The following TNFRSF21 variants were observed in gnomAD, a reference collection of about 807,000 sequenced individuals.
TNFRSF21 encodes TNF receptor superfamily member 21.
In TNFRSF21, 19 loss-of-function variants were observed where a neutral mutation model predicts 45.6. That is an observed-to-expected ratio of 0.42 (90% CI 0.29 to 0.61). The LOEUF (loss-of-function observed/expected upper bound fraction) is 0.61. Among genes scored for constraint, TNFRSF21 ranks in the 20% least tolerant of loss-of-function variants. The pLI is 0.23. For missense variants in TNFRSF21, 737 were observed against 851.5 expected (o/e 0.87, Z 1.67); for synonymous variants, 314 against 335.5 (o/e 0.94, Z 0.70).
At chr6:47,309,341 G>A (rs912259388) in intron 1 of TNFRSF21, 75 bp downstream of exon 1, 11 of 1,473,208 alleles carry the variant, frequency 7.5e-6, no homozygotes, top group Middle Eastern at 2.2e-4. Flanking sequence ...CCGGCCCGGT[G>A]ACCCGCCCGG....
intron 3 of TNFRSF21, among the ~76,000 whole-genome samples, chr6:47,258,397 G>GTT (rs778644346): frequency 2.9e-4 from 36 of 124,540 alleles, no homozygotes; most frequent in African/African-American, 7.8e-4. Flanking sequence ...AAGTAATTGT[G>GTT]GTTTTTTTTT....
At chr6:47,264,478 G>T (rs1401099762) in intron 3 of TNFRSF21, among the ~76,000 whole-genome samples, 1 of 131,966 alleles carries the variant, frequency 7.6e-6, no homozygotes, top group African/African-American at 3.0e-5. Flanking sequence ...TCGCGCCACT[G>T]CACTCCAGCC....
At chr6:47,271,612 G>T (rs9473050) in intron 3 of TNFRSF21, among the ~76,000 whole-genome samples, 3,714 of 151,966 alleles carry the variant, frequency 0.024, 149 homozygotes, top group African/African-American at 0.086. Context: ...TCAATTAACG[G>T]GCAAAATAAC....
chr6:47,263,835 T>C (rs1433884582), intron 3 of TNFRSF21, among the ~76,000 whole-genome samples: 1 of 152,248 alleles, frequency 6.6e-6, no homozygotes, highest in Non-Finnish European at 1.5e-5. Context: ...CTTAGTGGTA[T>C]ATAAAAGAGT....
chr6:47,233,962 T>A (rs1764622109), intron 5 of TNFRSF21, among the ~76,000 whole-genome samples: 1 of 152,086 alleles, frequency 6.6e-6, no homozygotes, highest in Admixed American at 6.6e-5. Context: ...ACAAAGTGAA[T>A]TTTAGGGTAT....
chr6:47,248,420 G>A (rs1191173241), intron 4 of TNFRSF21, among the ~76,000 whole-genome samples: 2 of 152,104 alleles, frequency 1.3e-5, no homozygotes, highest in African/African-American at 2.4e-5. Flanking sequence ...CCCTAGCCAA[G>A]GCGCAGGGAA....
intron 1 of TNFRSF21, among the ~76,000 whole-genome samples, chr6:47,307,356 G>A (rs1041589337): frequency 3.3e-5 from 5 of 152,014 alleles, no homozygotes; most frequent in Non-Finnish European, 7.4e-5. Flanking sequence ...CAATTTTTAG[G>A]GTAGGTTGAG....
In TNFRSF21 at chr6:47,286,455, A is replaced by G. The variant is rs1485652051; in HGVS notation, c.237T>C (p.His79=). 1.9e-6 allele frequency: 3 copies of G among 1,614,104 alleles called. No individual in the cohort carries two copies. Among genetic ancestry groups the G allele is most frequent in the Middle Eastern group, 1.6e-4 (1 of 6,084 alleles). ...AGACGCGCAGGCTTGTGTTGGTACA[A>G]TGCTCAGAGACATAGGTTCCTGCTG... The part of the protein sequence containing the change: ...KCPAGTYVSE[H]CTNTSLRVCS... The change falls in exon 2 of 6, where the codon CAT becomes CAC. Residue 79 remains histidine (H), a synonymous_variant. Coordinates refer to ENST00000296861, the MANE Select transcript of TNFRSF21 (RefSeq NM_014452.5).
intron 4 of TNFRSF21, among the ~76,000 whole-genome samples, chr6:47,242,327 T>C (rs770053975): frequency 2.0e-5 from 3 of 152,196 alleles, no homozygotes; most frequent in African/African-American, 4.8e-5. Context: ...TTAGACTAGG[T>C]TAGCTGGTCA....
intron 1 of TNFRSF21, among the ~76,000 whole-genome samples, chr6:47,297,712 G>A (rs557572542): frequency 7.8e-4 from 118 of 151,828 alleles, no homozygotes; most frequent in African/African-American, 2.7e-3. Context: ...TAGTAGAGAC[G>A]GGACTTCACC....
Position 47,231,815 on chromosome 6 carries a change from T to C in TNFRSF21, c.*950A>G, listed in dbSNP as rs1449239216. 1 of 152,634 alleles carries C rather than the reference T, an allele frequency of 6.6e-6. No individual in the cohort carries two copies. The highest frequency in any genetic ancestry group is 1.5e-5 in the Non-Finnish European group (1 of 68,040). The allele number at this position is 152,634 out of a possible 1,614,324, so 9.5% of individuals were successfully genotyped here. ...TTGAGAGCAGATTGGACCTATTGAT[T>C]ATGTGTATATAAAAAACAAGACATC... On this transcript the variant is annotated 3_prime_UTR_variant, in exon 6 of 6. Transcript: ENST00000296861.
At chr6:47,235,280 C>T (rs1426725334) in intron 4 of TNFRSF21, among the ~76,000 whole-genome samples, 2 of 152,158 alleles carry the variant, frequency 1.3e-5, no homozygotes, top group Non-Finnish European at 2.9e-5. Flanking sequence ...TGTTGAAGCC[C>T]TGACCCCCAG....
intron 1 of TNFRSF21, among the ~76,000 whole-genome samples, chr6:47,302,800 A>G (rs1402331390): frequency 6.6e-6 from 1 of 152,166 alleles, no homozygotes; most frequent in African/African-American, 2.4e-5. Context: ...CTTGCAGAAA[A>G]AGCAGTGTGC....
In TNFRSF21 at chr6:47,284,219, C is replaced by G. The variant is rs374645536; in HGVS notation, c.962G>C (p.Gly321Ala). Residue 321 changes from glycine (G) to alanine (A), a missense_variant, in exon 3 of 6, where the codon GGC becomes GCC. Gly to Ala is a moderately conservative substitution (Grantham distance 60, BLOSUM62 0). Coordinates refer to ENST00000296861, the MANE Select transcript of TNFRSF21 (RefSeq NM_014452.5). ...CTTGATGGGCGTGCTGGACTTCTCG[C>G]CCCCAGTGGCCTCCATGGACGGCAG... ...KLLPSMEATG[G>A]EKSSTPIKGP... is the part of the protein sequence containing the mutation. The G allele has an allele frequency of 1.7e-5, 28 of 1,614,032 alleles. 1 individual carries two copies. In the Middle Eastern group the frequency reaches 2.3e-3, roughly 133 times the overall value.
Position 47,287,809 on chromosome 6 carries a change from T to C in TNFRSF21, c.97-1214A>G, listed in dbSNP as rs573655850. 5.3e-5 allele frequency among the ~76,000 whole-genome samples: 8 copies of C among 152,330 alleles called. No homozygotes were observed. In the South Asian group the frequency reaches 1.7e-3, roughly 32 times the overall value. On this transcript the variant is annotated intron_variant, in intron 1 of 5. Coordinates refer to ENST00000296861, the MANE Select transcript of TNFRSF21 (RefSeq NM_014452.5). ...TAAAGGACAAAAACGTAAAACTTCA[T>C]TATTAATTAAGGAAATGCATATTAA...
At chr6:47,270,706 A>G (rs931533571) in intron 3 of TNFRSF21, among the ~76,000 whole-genome samples, 6 of 152,144 alleles carry the variant, frequency 3.9e-5, no homozygotes, top group Non-Finnish European at 8.8e-5. Flanking sequence ...ATCAGTAATA[A>G]CAAACTTCTC....
chr6:47,234,573 T>C, intron 5 of TNFRSF21, 97 bp downstream of exon 5: 1 of 985,576 alleles, frequency 1.0e-6, no homozygotes, highest in Admixed American at 2.3e-5. Flanking sequence ...ATGACTCAAC[T>C]CTCAGCTACA....
At chr6:47,288,093 G>A (rs1015256737) in intron 1 of TNFRSF21, among the ~76,000 whole-genome samples, 1 of 152,160 alleles carries the variant, frequency 6.6e-6, no homozygotes, top group Non-Finnish European at 1.5e-5. Flanking sequence ...TGCACCAGAA[G>A]GTATGCAACA....
At chr6:47,296,158 T>C (rs1289888592) in intron 1 of TNFRSF21, among the ~76,000 whole-genome samples, 1 of 152,148 alleles carries the variant, frequency 6.6e-6, no homozygotes, top group Non-Finnish European at 1.5e-5. Flanking sequence ...TGGCATTCCA[T>C]GAAAGACAGG....
Sources: gnomAD v4.1 joint callset for allele counts (sites outside exome capture counted in the v4.1 genomes callset) on GRCh38, gnomAD v4.1.1 for gene constraint, MANE v1.5 for transcripts, NCBI Gene and HGNC (gene_info 2026-07-23, HGNC 2026-07-21) for gene names.